The following ZBTB16 variants were observed in gnomAD, a reference collection of about 807,000 sequenced individuals.
The protein encoded by ZBTB16 is zinc finger and BTB domain containing 16.
In ZBTB16, 8 loss-of-function variants were observed where a neutral mutation model predicts 56.8. The observed-to-expected ratio is 0.14, with a 90% CI of 0.08 to 0.25. ZBTB16 has a LOEUF of 0.25. ZBTB16 is among the 10% of genes least tolerant of loss of function. ZBTB16 has a pLI of 1.00. For missense variants in ZBTB16, 625 were observed against 903.0 expected (o/e 0.69, Z 3.95); for synonymous variants, 363 against 368.5 (o/e 0.98, Z 0.17).
At chr11:114,118,019 C>T (rs183549122) in intron 2 of ZBTB16, among the ~76,000 whole-genome samples, 2 of 152,180 alleles carry the variant, frequency 1.3e-5, no homozygotes, top group African/African-American at 4.8e-5. Flanking sequence ...GAAATCATGA[C>T]TCTGTGAAAT....
rs543945094 is a variant in ZBTB16, at chr11:114,198,496, T to G, written c.1453+11458T>G. On this transcript the variant is annotated intron_variant, in intron 4 of 6. Coordinates refer to ENST00000335953, the MANE Select transcript of ZBTB16 (RefSeq NM_006006.6). ...CTGCTGGCCCAGACCAGCTATTCTT[T>G]CTCTCCATTGTTCACCCTAGTGGCT... Among the ~76,000 whole-genome samples, 36 of 152,282 alleles carry G rather than the reference T, an allele frequency of 2.4e-4. 1 individual carries two copies. The South Asian group carries it at 6.7e-3, about 28-fold the overall frequency.
chr11:114,154,221 C>T (rs1442979615), intron 2 of ZBTB16, among the ~76,000 whole-genome samples: 1 of 152,172 alleles, frequency 6.6e-6, no homozygotes, highest in Non-Finnish European at 1.5e-5. Flanking sequence ...CTCTAGTGTC[C>T]CTTTGGAAAA....
At chr11:114,185,998 C>T (rs1230979353) in intron 3 of ZBTB16, among the ~76,000 whole-genome samples, 1 of 152,152 alleles carries the variant, frequency 6.6e-6, no homozygotes. Context: ...CACAAGACGA[C>T]ACAGTCCCTC....
chr11:114,173,282 GT>G (rs1298836676), intron 3 of ZBTB16, among the ~76,000 whole-genome samples: 1 of 152,192 alleles, frequency 6.6e-6, no homozygotes, highest in African/African-American at 2.4e-5. Context: ...GACATGCTCT[GT>G]TTTCTAAAAG....
Position 114,198,970 on chromosome 11 carries a change from G to A in ZBTB16, c.1453+11932G>A, listed in dbSNP as rs79590690. Among the ~76,000 whole-genome samples the A allele has an allele frequency of 9.4e-3, 1,437 of 152,368 alleles. 34 individuals are homozygous for A. The highest frequency in any genetic ancestry group is 0.033 in the African/African-American group (1,363 of 41,582). On this transcript the variant is annotated intron_variant, in intron 4 of 6. Coordinates refer to ENST00000335953, the MANE Select transcript of ZBTB16 (RefSeq NM_006006.6). Reference sequence around the variant, plus strand: ...CCTGGACAGTGATTTGAGGGGATCAGTGGTGTTTGGCTCTTTTGGGATTGG... The same window carrying A: ...CCTGGACAGTGATTTGAGGGGATCAATGGTGTTTGGCTCTTTTGGGATTGG...
At chr11:114,117,501 C>T (rs1255518631) in intron 2 of ZBTB16, among the ~76,000 whole-genome samples, 1 of 150,556 alleles carries the variant, frequency 6.6e-6, no homozygotes, top group Admixed American at 6.6e-5. Flanking sequence ...GGGAAGGGCA[C>T]ATTGTAGGGG....
At chr11:114,167,244 T>G (rs1336013012) in intron 3 of ZBTB16, among the ~76,000 whole-genome samples, 2 of 139,720 alleles carry the variant, frequency 1.4e-5, no homozygotes, top group African/African-American at 5.3e-5. Context: ...TTTTTTTTTT[T>G]TTTTTTTTTG....
At chr11:114,123,869 G>A (rs1941414238) in intron 2 of ZBTB16, among the ~76,000 whole-genome samples, 2 of 152,130 alleles carry the variant, frequency 1.3e-5, no homozygotes. Context: ...TGGATATACG[G>A]GCGCCAGGCT....
intron 4 of ZBTB16, among the ~76,000 whole-genome samples, chr11:114,190,283 T>C (rs975267969): frequency 6.6e-6 from 1 of 152,166 alleles, no homozygotes; most frequent in African/African-American, 2.4e-5. Flanking sequence ...CGACTTACAA[T>C]GGGACTGTGT....
rs1478383735 is a variant in ZBTB16, at chr11:114,251,719, A to T, written c.*1164A>T. On this transcript the variant is annotated 3_prime_UTR_variant, in exon 7 of 7. Transcript: ENST00000335953. ...GAGAGTCGCACAGAATTCCTGACTC[A>T]CAGCGCCCCTCGGTCCACAGTGGAG... 6.6e-6 allele frequency among the ~76,000 whole-genome samples: 1 copy of T among 152,200 alleles called. No homozygotes were observed. Among genetic ancestry groups the T allele is most frequent in the Admixed American group, 6.5e-5 (1 of 15,278 alleles).
intron 4 of ZBTB16, among the ~76,000 whole-genome samples, chr11:114,235,799 T>C (rs1944577430): frequency 6.6e-6 from 1 of 151,106 alleles, no homozygotes; most frequent in Non-Finnish European, 1.5e-5. Flanking sequence ...TCCTTTTTTT[T>C]TTTTTTGCTA....
chr11:114,221,674 T>C (rs1446145459), intron 4 of ZBTB16, among the ~76,000 whole-genome samples: 1 of 152,138 alleles, frequency 6.6e-6, no homozygotes, highest in African/African-American at 2.4e-5. Flanking sequence ...GGGTTGTTTC[T>C]CTCCCATTCA....
At chr11:114,122,841 A>G (rs1187574516) in intron 2 of ZBTB16, among the ~76,000 whole-genome samples, 2 of 152,096 alleles carry the variant, frequency 1.3e-5, no homozygotes, top group African/African-American at 4.8e-5. Context: ...CTCTTGGCCA[A>G]TCACTCACCG....
intron 1 of ZBTB16, among the ~76,000 whole-genome samples, chr11:114,062,699 C>T (rs1446225708): frequency 6.6e-6 from 1 of 152,160 alleles, no homozygotes; most frequent in Non-Finnish European, 1.5e-5. Context: ...CTCCTGGCCT[C>T]CAATGAGTTT....
chr11:114,124,680 C>A (rs1171768929), intron 2 of ZBTB16, among the ~76,000 whole-genome samples: 1 of 152,038 alleles, frequency 6.6e-6, no homozygotes, highest in African/African-American at 2.4e-5. Context: ...TTGGCCATAT[C>A]CCTGAAACCT....
At chr11:114,194,023 T>C (rs1943554836) in intron 4 of ZBTB16, among the ~76,000 whole-genome samples, 2 of 152,218 alleles carry the variant, frequency 1.3e-5, no homozygotes, top group Admixed American at 1.3e-4. Context: ...GTCTGTAGGC[T>C]GATTGGTTCC....
chr11:114,251,547 G>A lies in ZBTB16; in HGVS notation c.*992G>A, dbSNP rs1944917126. Among the ~76,000 whole-genome samples, 1 of 152,224 alleles carries A rather than the reference G, an allele frequency of 6.6e-6. No individual in the cohort carries two copies. The highest frequency in any genetic ancestry group is 2.4e-5 in the African/African-American group (1 of 41,442). On this transcript the variant is annotated 3_prime_UTR_variant, in exon 7 of 7. Coordinates refer to ENST00000335953, the MANE Select transcript of ZBTB16 (RefSeq NM_006006.6). ...TGGGCTGAGGTTCCGAGGGTAGGTT[G>A]TGGATGTCTTTCTCTAGAGGGGTCC... is the stretch of plus-strand genomic sequence containing the variant.
rs1944908366 is a variant in ZBTB16, at chr11:114,250,991, G to C, written c.*436G>C. ...ATGAAGGGAGGGAGGAGGTGAGCCA[G>C]AAGGGCGCTCCCCTGCTGATGGGTC... On this transcript the variant is annotated 3_prime_UTR_variant, in exon 7 of 7. Coordinates refer to ENST00000335953, the MANE Select transcript of ZBTB16 (RefSeq NM_006006.6). The surrounding 1 kb of genome is among the most constrained non-coding windows in gnomAD (Gnocchi z 6.0). 6.6e-6 allele frequency among the ~76,000 whole-genome samples: 1 copy of C among 152,148 alleles called. No individual in the cohort carries two copies. The highest frequency in any genetic ancestry group is 1.5e-5 in the Non-Finnish European group (1 of 68,032).
chr11:114,166,515 A>T (rs1247073899), intron 3 of ZBTB16, among the ~76,000 whole-genome samples: 2 of 152,132 alleles, frequency 1.3e-5, no homozygotes, highest in African/African-American at 4.8e-5. Context: ...AGAGATTGAG[A>T]AGAAGCATTT....
Sources: gnomAD v4.1 joint callset for allele counts (sites outside exome capture counted in the v4.1 genomes callset) on GRCh38, gnomAD v4.1.1 for gene constraint, Gnocchi (gnomAD v3.1) non-coding constraint, MANE v1.5 for transcripts, NCBI Gene and HGNC (gene_info 2026-07-23, HGNC 2026-07-21) for gene names.